Variants in TMEM71 observed in about 807,000 individuals in gnomAD.
TMEM71 encodes transmembrane protein 71.
TMEM71 carries 44 observed loss-of-function variants against 38.0 expected under a neutral mutation model. The ratio of observed to expected loss-of-function variants is 1.16; its 90% CI spans 0.91 to 1.49. The LOEUF is 1.49. Ranked by LOEUF, TMEM71 falls within the 40% of genes most tolerant of loss-of-function variation. The pLI is 0.00. For synonymous variants in TMEM71, 133 were observed against 122.5 expected, an observed-to-expected ratio of 1.09 and a Z score of -0.56; for missense variants, 367 against 348.6, an observed-to-expected ratio of 1.05 and a Z score of -0.42.
intron 4 of TMEM71, among the ~76,000 whole-genome samples, chr8:132,751,321 C>G (rs2553610): frequency 0.33 from 49,756 of 152,152 alleles, 10,091 homozygotes; most frequent in South Asian, 0.5. Context: ...CAGAAGTTCT[C>G]TTTCCTACTT....
upstream of TMEM71, among the ~76,000 whole-genome samples, chr8:132,765,348 C>A (rs1486061380): frequency 1.3e-5 from 2 of 152,134 alleles, no homozygotes; most frequent in Admixed American, 6.5e-5. Flanking sequence ...AAGGACTCGG[C>A]CCAAAGCTCC....
chr8:132,764,299 T>TGTGC (rs943975440), upstream of TMEM71, among the ~76,000 whole-genome samples: 1 of 151,848 alleles, frequency 6.6e-6, no homozygotes, highest in African/African-American at 2.4e-5. Context: ...TGTGTGTGTG[T>TGTGC]GTGTGTGTGT....
chr8:132,729,153 T>A (rs947250974), intron 5 of TMEM71, among the ~76,000 whole-genome samples: 18 of 152,240 alleles, frequency 1.2e-4, no homozygotes, highest in African/African-American at 3.6e-4. Flanking sequence ...TAACACTTGG[T>A]GTCTTCAATG....
intron 5 of TMEM71, among the ~76,000 whole-genome samples, chr8:132,735,866 A>G (rs1248798800): frequency 1.3e-5 from 2 of 152,188 alleles, no homozygotes; most frequent in Admixed American, 6.5e-5. Flanking sequence ...AGATTGTCTC[A>G]TTTTACATTT....
chr8:132,729,962 T>C lies in TMEM71; in HGVS notation c.488-1976A>G, dbSNP rs1246047254. ...AAGTAAGTGGGTTTTCAGTTAAATT[T>C]TTTTTTTTTTTTTGAGACGGAGTTT... On this transcript the variant is annotated intron_variant, in intron 5 of 9. Transcript: ENST00000677595. 5.9e-5 allele frequency among the ~76,000 whole-genome samples: 9 copies of C among 151,440 alleles called. No individual in the cohort carries two copies. In the East Asian group the frequency reaches 1.7e-3, roughly 29 times the overall value.
intron 7 of TMEM71, among the ~76,000 whole-genome samples, chr8:132,719,137 T>C (rs771502631): frequency 2.6e-5 from 4 of 152,266 alleles, no homozygotes; most frequent in Admixed American, 6.5e-5. Context: ...GATCAAGATA[T>C]AGAATATTTC....
At chr8:132,729,643 C>T (rs953028618) in intron 5 of TMEM71, among the ~76,000 whole-genome samples, 1 of 152,180 alleles carries the variant, frequency 6.6e-6, no homozygotes, top group Admixed American at 6.5e-5. Flanking sequence ...AAACCTATAA[C>T]TCTAAGCATA....
rs75786939 is a variant in TMEM71 at position 132,752,420 on chromosome 8, C to A, written c.102-423G>T. ...TATAACTATGTAGCCACCAGAAACA[C>A]GGTGAACATGCAGTCAAAATGATCA... On this transcript the variant is annotated intron_variant, in intron 3 of 9. Coordinates refer to ENST00000677595, the MANE Select transcript of TMEM71 (RefSeq NM_001382403.1). 8.8e-3 allele frequency among the ~76,000 whole-genome samples: 1,343 copies of A among 152,246 alleles called. 41 individuals are homozygous for A. The East Asian group carries it at 0.089, about 10-fold the overall frequency.
rs141365104 is a variant in TMEM71 at position 132,726,427 on chromosome 8, A to G, written c.676+1371T>C. Among the ~76,000 whole-genome samples the G allele has an allele frequency of 3.0e-3, 457 of 152,340 alleles. 2 individuals carry two copies. Among genetic ancestry groups the G allele is most frequent in the African/African-American group, 0.01 (430 of 41,590 alleles). The stretch of plus-strand genomic sequence containing the variant: ...AAAATATTTTTTCCATTTAACTTCA[A>G]TGTTATGTAACAATAACTTCACATT... On this transcript the variant is annotated intron_variant, in intron 6 of 9. Transcript: ENST00000677595.
chr8:132,712,652 T>A (rs10096655), intron 9 of TMEM71, among the ~76,000 whole-genome samples: 12,772 of 152,174 alleles, frequency 0.084, 742 homozygotes, highest in East Asian at 0.3. Flanking sequence ...ATTCACACCC[T>A]GGTACCTAGT....
upstream of TMEM71, among the ~76,000 whole-genome samples, chr8:132,764,079 T>C (rs1829334455): frequency 6.6e-6 from 1 of 152,144 alleles, no homozygotes; most frequent in African/African-American, 2.4e-5. Flanking sequence ...GCCAGAAAAC[T>C]GGGAGAAATT....
intron 5 of TMEM71, among the ~76,000 whole-genome samples, chr8:132,732,941 T>C (rs1341682068): frequency 6.6e-6 from 1 of 152,152 alleles, no homozygotes; most frequent in Non-Finnish European, 1.5e-5. Context: ...AACCCTGTCA[T>C]TGAGAGAGCT....
At chr8:132,733,569 A>G (rs1827579735) in intron 5 of TMEM71, among the ~76,000 whole-genome samples, 1 of 152,176 alleles carries the variant, frequency 6.6e-6, no homozygotes, top group Admixed American at 6.5e-5. Context: ...GCACTGCCTT[A>G]CACATAGCCT....
the TMEM71 span, among the ~76,000 whole-genome samples, chr8:132,768,965 A>T: frequency 6.6e-6 from 1 of 152,256 alleles, no homozygotes; most frequent in Non-Finnish European, 1.5e-5. Context: ...TATTGAAGTT[A>T]TCTGTTTGCA....
intron 4 of TMEM71, among the ~76,000 whole-genome samples, chr8:132,749,560 C>T (rs1828577853): frequency 6.6e-6 from 1 of 152,170 alleles, no homozygotes; most frequent in African/African-American, 2.4e-5. Flanking sequence ...TCTACTTTTA[C>T]CAGTTGGCTC....
chr8:132,747,010 G>A lies in TMEM71; in HGVS notation c.419C>T (p.Ser140Phe). ...CAACCAGTTGTCTTCACTTGGAGAA[G>A]AGTTGATGTCACCAAAGATACTTCC... is the stretch of plus-strand genomic sequence containing the variant. ...LHGSIFGDIN[S>F]SPSEDNWLKG... Residue 140 changes from serine (S) to phenylalanine (F), a missense_variant, in exon 5 of 10, where the codon TCT becomes TTT. Coordinates refer to ENST00000677595, the MANE Select transcript of TMEM71 (RefSeq NM_001382403.1). 2 of 1,613,914 alleles carry A rather than the reference G, an allele frequency of 1.2e-6. No homozygotes were observed. The highest frequency in any genetic ancestry group is 1.7e-6 in the Non-Finnish European group (2 of 1,179,948).
At chr8:132,770,054 C>T in the TMEM71 span, among the ~76,000 whole-genome samples, 1 of 152,146 alleles carries the variant, frequency 6.6e-6, no homozygotes, top group Admixed American at 6.5e-5. Flanking sequence ...CTCACCCTCT[C>T]CTGCTGCAGT....
chr8:132,738,083 C>G (rs1045858994), intron 5 of TMEM71, among the ~76,000 whole-genome samples: 1 of 152,130 alleles, frequency 6.6e-6, no homozygotes, highest in African/African-American at 2.4e-5. Context: ...CCCTGGTATT[C>G]ATAAGAGATA....
the TMEM71 span, among the ~76,000 whole-genome samples, chr8:132,765,757 T>C: frequency 6.6e-6 from 1 of 151,496 alleles, no homozygotes; most frequent in East Asian, 1.9e-4. Context: ...ATCTAACACA[T>C]CTTTTTATTA....
Sources: allele counts gnomAD v4.1 joint callset (sites outside exome capture counted in the v4.1 genomes callset), GRCh38; gene constraint gnomAD v4.1.1; transcripts MANE v1.5; gene names NCBI Gene and HGNC (gene_info 2026-07-23, HGNC 2026-07-21).